Variants in TTLL8 observed in about 807,000 individuals in gnomAD.
TTLL8 encodes tubulin tyrosine ligase like 8.
TTLL8 carries 65 observed loss-of-function variants against 77.8 expected under a neutral mutation model. The ratio of observed to expected loss-of-function variants is 0.84; its 90% CI spans 0.68 to 1.03. The LOEUF is 1.03. TTLL8 is among the 50% of genes least tolerant of loss of function. The probability of loss-of-function intolerance (pLI) is 0.00; values close to 1 mark genes in which losing one functional copy is unlikely to be tolerated. For missense variants in TTLL8, 910 were observed against 1,004.5 expected, an observed-to-expected ratio of 0.91 and a Z score of 1.27; for synonymous variants, 402 against 422.8, an observed-to-expected ratio of 0.95 and a Z score of 0.60.
intron 8 of TTLL8, among the ~76,000 whole-genome samples, chr22:50,039,421 A>G (rs1389421994): frequency 6.6e-6 from 1 of 152,206 alleles, no homozygotes; most frequent in Non-Finnish European, 1.5e-5. Context: ...GGAAGAAGGA[A>G]CATCCAAGAA....
At chr22:50,051,036 T>C (rs928809053) in intron 1 of TTLL8, among the ~76,000 whole-genome samples, 1 of 152,178 alleles carries the variant, frequency 6.6e-6, no homozygotes, top group Non-Finnish European at 1.5e-5. Flanking sequence ...AATGTTTGTA[T>C]TTTTTAGTAG....
chr22:50,027,304 T>G (rs955873266), intron 12 of TTLL8, among the ~76,000 whole-genome samples: 12 of 149,646 alleles, frequency 8.0e-5, no homozygotes, highest in Admixed American at 3.3e-4. Context: ...GAGGCCAAGG[T>G]GCGTGGATTG....
Position 50,044,044 on chromosome 22 carries a change from G to C in TTLL8, c.643+1211C>G, listed in dbSNP as rs1454031273. Among the ~76,000 whole-genome samples, 1 of 152,128 alleles carries C rather than the reference G, an allele frequency of 6.6e-6. No homozygotes were observed. Among genetic ancestry groups the C allele is most frequent in the Non-Finnish European group, 1.5e-5 (1 of 68,024 alleles). ...CAATTGTGTTAAAATCATTAATTAG[G>C]CCAGGTACGGTGGATCAAGCCTGTA... On this transcript the variant is annotated intron_variant, in intron 6 of 13. Transcript: ENST00000266182. The surrounding 1 kb of genome is among the most constrained non-coding windows in gnomAD (Gnocchi z 4.2).
At chr22:50,031,973 C>G in exon 11 of TTLL8, 1 of 1,366,734 alleles carries the variant, frequency 7.3e-7, no homozygotes, top group Non-Finnish European at 9.8e-7. Context: ...CTGCCCCACA[C>G]GGCGCCACGG....
intron 12 of TTLL8, chr22:50,027,717 G>A: frequency 1.0e-6 from 1 of 985,420 alleles, no homozygotes; most frequent in Non-Finnish European, 1.2e-6. Context: ...TTGCAGCACA[G>A]GCTCTGAGAG....
At position 50,034,379 on chromosome 22, in the gene TTLL8, G is replaced by C. The variant is rs189508739; in HGVS notation, c.1005C>G (p.Pro335=). Residue 335 remains proline, a synonymous_variant, in exon 9 of 14, where the codon CCC becomes CCG. Transcript: ENST00000266182. The surrounding 1 kb of genome is among the most constrained non-coding windows in gnomAD (Gnocchi z 4.1). Reference sequence around the variant, plus strand: ...CACCTCGGCCCCGGGACTTGGCCGCGGGCTTTATAATCCAGATGTTCCGGA... The same window carrying C: ...CACCTCGGCCCCGGGACTTGGCCGCCGGCTTTATAATCCAGATGTTCCGGA... 2 of 1,366,988 alleles carry C rather than the reference G, an allele frequency of 1.5e-6. No individual in the cohort carries two copies. Among genetic ancestry groups the C allele is most frequent in the East Asian group, 4.5e-5 (1 of 21,998 alleles). The allele number at this position is 1,366,988 out of a possible 1,614,324, so 84.7% of individuals were successfully genotyped here.
intron 8 of TTLL8, among the ~76,000 whole-genome samples, chr22:50,035,066 G>T (rs2061326397): frequency 6.6e-6 from 1 of 152,202 alleles, no homozygotes. Context: ...GGGGAGAGCT[G>T]TTTGAGGGGC....
rs1007079393 is a variant in TTLL8 at position 50,041,864 on chromosome 22, C to T, written c.644-57G>A. On this transcript the variant is annotated intron_variant, in intron 6 of 13. Coordinates refer to ENST00000266182, the Ensembl canonical transcript of TTLL8. The surrounding 1 kb of genome is among the most constrained non-coding windows in gnomAD (Gnocchi z 4.3). The stretch of plus-strand genomic sequence containing the variant: ...AACCTCACCCAGGGGCAGCCCTGCC[C>T]GCCTCGAGGGGTGATGTCTAAAGTC... The T allele has an allele frequency of 1.8e-5, 23 of 1,296,912 alleles. No homozygotes were observed. Among genetic ancestry groups the T allele is most frequent in the South Asian group, 1.2e-4 (10 of 81,170 alleles). 80.3% of individuals were successfully genotyped at this position (1,296,912 alleles called of 1,614,324 possible). A position where few individuals can be genotyped will look rare whatever the true frequency, so the allele number is the denominator to read the frequency against.
rs889930026 is a variant in TTLL8 at position 50,034,029 on chromosome 22, G to A, written c.1039+316C>T. Among the ~76,000 whole-genome samples, 7 of 152,164 alleles carry A rather than the reference G, an allele frequency of 4.6e-5. No individual in the cohort carries two copies. The highest frequency in any genetic ancestry group is 1.9e-4 in the East Asian group (1 of 5,186). ...GCCTGGGCAACAAGAGTGAAACTCC[G>A]TTTCAAAAAACTAAAAATAAAATAA... On this transcript the variant is annotated intron_variant, in intron 9 of 13. Transcript: ENST00000266182. This position sits in a 1 kb window ranked among gnomAD's most constrained non-coding sequence, Gnocchi z 4.1.
chr22:50,055,093 A>G (rs990265667), upstream of TTLL8: 28 of 1,125,810 alleles, frequency 2.5e-5, no homozygotes, highest in Non-Finnish European at 2.9e-5. Flanking sequence ...GAAAGGTAAC[A>G]TGAGCCAAGT....
At chr22:50,049,092 C>T (rs1252917417) in intron 3 of TTLL8, 157 bp downstream of exon 5, 4 of 961,446 alleles carry the variant, frequency 4.2e-6, no homozygotes, top group African/African-American at 1.8e-5. Context: ...GGCAGCCAGG[C>T]CCTGCTGCCC....
chr22:50,033,030 C>T (rs990064269), intron 10 of TTLL8, 172 bp downstream of exon 11: 1 of 630,080 alleles, frequency 1.6e-6, no homozygotes, highest in Non-Finnish European at 2.0e-6. Flanking sequence ...GGGCCTGTCC[C>T]TCGGGGAGAT....
Position 50,041,547 on chromosome 22 carries a change from C to A in TTLL8, c.830+74G>T. The A allele has an allele frequency of 8.0e-7, 1 of 1,252,374 alleles. No individual in the cohort carries two copies. The highest frequency in any genetic ancestry group is 3.0e-5 in the Admixed American group (1 of 33,870). 77.6% of individuals were successfully genotyped at this position (1,252,374 alleles called of 1,614,324 possible). ...AGACAGGTGACCCAGTTCCCAGAGG[C>A]TGCACTGCCCCGGCAGCTCCTGCAA... On this transcript the variant is annotated intron_variant, in intron 7 of 13. Coordinates refer to ENST00000266182, the Ensembl canonical transcript of TTLL8. This position sits in a 1 kb window ranked among gnomAD's most constrained non-coding sequence, Gnocchi z 4.3.
rs1202769431 is a variant in TTLL8, at chr22:50,034,390, T to C, written c.994A>G (p.Ile332Val). ...CGGGACTTGGCCGCGGGCTTTATAA[T>C]CCAGATGTTCCGGAGCCCGTCAATG... The change falls in exon 9 of 14, where the codon ATT becomes GTT. Residue 332 changes from isoleucine (I) to valine (V), a missense_variant. Ile to Val is a conservative substitution (Grantham distance 29). Transcript: ENST00000266182. This position sits in a 1 kb window ranked among gnomAD's most constrained non-coding sequence, Gnocchi z 4.1. 3 of 1,367,156 alleles carry C rather than the reference T, an allele frequency of 2.2e-6. No individual in the cohort carries two copies. The highest frequency in any genetic ancestry group is 2.9e-6 in the Non-Finnish European group (3 of 1,021,810). 84.7% of individuals were successfully genotyped at this position (1,367,156 alleles called of 1,614,324 possible). A position where few individuals can be genotyped will look rare whatever the true frequency, so the allele number is the denominator to read the frequency against.
chr22:50,054,384 T>G (rs1457039755), intron 1 of TTLL8, among the ~76,000 whole-genome samples: 1 of 152,046 alleles, frequency 6.6e-6, no homozygotes, highest in Non-Finnish European at 1.5e-5. Flanking sequence ...AGGCCTTGCT[T>G]ACATCCCAGT....
At chr22:50,033,315 G>A (rs762442518) in exon 10 of TTLL8, 11 of 1,365,074 alleles carry the variant, frequency 8.1e-6, no homozygotes, top group Middle Eastern at 2.1e-4. Context: ...GTCTGATGTC[G>A]AACTTGGTGT....
At chr22:50,038,218 A>C (rs1413370855) in intron 8 of TTLL8, among the ~76,000 whole-genome samples, 1 of 152,196 alleles carries the variant, frequency 6.6e-6, no homozygotes, top group Non-Finnish European at 1.5e-5. Context: ...CTTTGTACCC[A>C]GTGACCTTGC....
At position 50,050,418 on chromosome 22, in the gene TTLL8, G is replaced by A. The variant is rs563614129; in HGVS notation, c.52-171C>T. Among the ~76,000 whole-genome samples, 87 of 149,554 alleles carry A rather than the reference G, an allele frequency of 5.8e-4. 2 individuals carry two copies. Among genetic ancestry groups the A allele is most frequent in the Admixed American group, 1.5e-3 (22 of 14,988 alleles). ...GATGGAATCTCACTCTGTCATCCAG[G>A]CCGGAGTGCAGTGGGGCAATCTCAG... On this transcript the variant is annotated intron_variant, in intron 1 of 13. Coordinates refer to ENST00000266182, the Ensembl canonical transcript of TTLL8.
intron 8 of TTLL8, among the ~76,000 whole-genome samples, chr22:50,035,793 A>G (rs1386438944): frequency 6.6e-6 from 1 of 152,200 alleles, no homozygotes; most frequent in Non-Finnish European, 1.5e-5. Context: ...ACGGGGCTAC[A>G]GCGACTCCCT....
Sources: gnomAD v4.1 joint callset for allele counts (sites outside exome capture counted in the v4.1 genomes callset) on GRCh38, gnomAD v4.1.1 for gene constraint, Gnocchi (gnomAD v3.1) non-coding constraint, MANE v1.5 for transcripts, NCBI Gene and HGNC (gene_info 2026-07-23, HGNC 2026-07-21) for gene names.